LRP2: variants seen among roughly 807,000 people sequenced by gnomAD.
The protein encoded by LRP2 is LDL receptor related protein 2.
LRP2 carries 172 observed loss-of-function variants against 531.0 expected under a neutral mutation model. The ratio of observed to expected loss-of-function variants is 0.32; its 90% CI spans 0.29 to 0.37. The LOEUF (loss-of-function observed/expected upper bound fraction) is 0.37. LRP2 is among the 10% of genes least tolerant of loss of function. The pLI is 1.00. For synonymous variants in LRP2, 1,992 were observed against 2,027.6 expected, an observed-to-expected ratio of 0.98 and a Z score of 0.47; for missense variants, 5,167 against 5,868.3, an observed-to-expected ratio of 0.88 and a Z score of 3.90.
At chr2:169,359,986 A>C (rs925544150) in intron 1 of LRP2, among the ~76,000 whole-genome samples, 2 of 151,932 alleles carry the variant, frequency 1.3e-5, no homozygotes, top group African/African-American at 4.8e-5. Flanking sequence ...TTAGCTGGGC[A>C]TGGTGCCCCG....
Position 169,201,865 on chromosome 2 carries a change from G to A in LRP2, c.8215C>T (p.His2739Tyr). 6.2e-7 allele frequency: 1 copy of A among 1,614,084 alleles called. No homozygotes were observed. The highest frequency in any genetic ancestry group is 1.1e-5 in the South Asian group (1 of 91,074). Residue 2739 changes from histidine (H) to tyrosine (Y), a missense_variant, in exon 44 of 79, where the codon CAC becomes TAC. Physicochemically the swap from His to Tyr is moderately conservative, Grantham distance 83. Transcript: ENST00000649046. ...SDEMESVCAL[H>Y]TCSPTAFTCA... is the part of the protein sequence containing the mutation. ...GTGAAGGCTGTCGGTGAGCAGGTGTGAAGTGCTAAGAACAGGAAAAACATG... is the reference window on the plus strand; with the variant it reads ...GTGAAGGCTGTCGGTGAGCAGGTGTAAAGTGCTAAGAACAGGAAAAACATG...
chr2:169,338,081 C>T (rs2105551483), intron 1 of LRP2, among the ~76,000 whole-genome samples: 1 of 151,732 alleles, frequency 6.6e-6, no homozygotes, highest in South Asian at 2.1e-4. Context: ...CACTGCACTC[C>T]AGCCTGACTG....
At chr2:169,338,372 G>GAAAGAA (rs1685470024) in intron 1 of LRP2, among the ~76,000 whole-genome samples, 1 of 107,048 alleles carries the variant, frequency 9.3e-6, no homozygotes, top group East Asian at 3.7e-4. Flanking sequence ...AAGAAAGAAA[G>GAAAGAA]AAAGAAAGAA....
At chr2:169,316,564 A>G (rs775050047) in intron 3 of LRP2, among the ~76,000 whole-genome samples, 1 of 152,188 alleles carries the variant, frequency 6.6e-6, no homozygotes, top group Non-Finnish European at 1.5e-5. Flanking sequence ...GCAAATATAG[A>G]AGGAAAATCC....
At chr2:169,138,525 A>T (rs1004890322) in intron 75 of LRP2, 52 bp downstream of exon 75, 230 of 1,599,564 alleles carry the variant, frequency 1.4e-4, no homozygotes, top group Non-Finnish European at 1.8e-4. Flanking sequence ...TATAAAAAGT[A>T]TTTATTCTAT....
At position 169,170,681 on chromosome 2, in the gene LRP2, G is replaced by A. The variant is rs377424162; in HGVS notation, c.11264-14C>T. On this transcript the variant is annotated splice_polypyrimidine_tract_variant and intron_variant, in intron 58 of 78. Coordinates refer to ENST00000649046, the MANE Select transcript of LRP2 (RefSeq NM_004525.3). Reference sequence around the variant, plus strand: ...ACTCCCGGGGAGCTGGAAAGGAAAGGCACCTGGCCATGAGTGTGCACCAGG... The same window carrying A: ...ACTCCCGGGGAGCTGGAAAGGAAAGACACCTGGCCATGAGTGTGCACCAGG... 9 of 1,573,094 alleles carry A rather than the reference G, an allele frequency of 5.7e-6. No individual in the cohort carries two copies. Among genetic ancestry groups the A allele is most frequent in the South Asian group, 2.2e-5 (2 of 90,230 alleles).
intron 3 of LRP2, among the ~76,000 whole-genome samples, chr2:169,318,132 A>C (rs1273209314): frequency 6.6e-6 from 1 of 152,150 alleles, no homozygotes; most frequent in African/African-American, 2.4e-5. Context: ...AGACCTATTA[A>C]AACAGTCTTT....
chr2:169,178,667 T>C (rs1687308049), intron 52 of LRP2, among the ~76,000 whole-genome samples: 1 of 152,246 alleles, frequency 6.6e-6, no homozygotes, highest in Non-Finnish European at 1.5e-5. Context: ...GATTTCAAGA[T>C]GTTACAAAGG....
At chr2:169,183,428 T>C (rs926993144) in intron 50 of LRP2, among the ~76,000 whole-genome samples, 3 of 152,350 alleles carry the variant, frequency 2.0e-5, no homozygotes, top group Non-Finnish European at 4.4e-5. Flanking sequence ...TAGCTAATTA[T>C]TGAACACTTG....
intron 27 of LRP2, 64 bp downstream of exon 27, chr2:169,238,027 T>C: frequency 7.1e-7 from 1 of 1,417,178 alleles, no homozygotes; most frequent in Non-Finnish European, 1.0e-6. Flanking sequence ...CACTGGTGAA[T>C]AACAGCAAAC....
rs2247506 is a variant in LRP2, at chr2:169,307,258, T to C, written c.427+23A>G. The C allele has an allele frequency of 0.21, 309,517 of 1,501,660 alleles. 33,457 individuals carry two copies. The highest frequency in any genetic ancestry group is 0.31 in the African/African-American group (22,594 of 72,600). 93.0% of individuals were successfully genotyped at this position (1,501,660 alleles called of 1,614,324 possible). A position where few individuals can be genotyped will look rare whatever the true frequency, so the allele number is the denominator to read the frequency against. On this transcript the variant is annotated intron_variant, in intron 4 of 78. Transcript: ENST00000649046. ...GGGACAAGGGTGAAACCAAATACAG[T>C]GCAAGGACTAAAACAGACTCACGGC...
intron 1 of LRP2, among the ~76,000 whole-genome samples, chr2:169,328,441 T>TAAAAAAAAAAAAAAAAAAAA (rs537210492): frequency 1.0e-4 from 5 of 49,138 alleles, no homozygotes; most frequent in East Asian, 6.0e-4. Context: ...CGGGCCGGGA[T>TAAAAAAAAAAAAAAAAAAAA]AAAAAAAAAA....
intron 1 of LRP2, among the ~76,000 whole-genome samples, chr2:169,336,482 G>A (rs1301871327): frequency 6.6e-6 from 1 of 152,044 alleles, no homozygotes; most frequent in Non-Finnish European, 1.5e-5. Flanking sequence ...AGAGGCTGCA[G>A]TGAGCTGAGA....
chr2:169,270,908 G>T lies in LRP2; in HGVS notation c.2316C>A (p.Gly772=), dbSNP rs1446459642. Residue 772 remains glycine, a synonymous_variant, in exon 16 of 79, where the codon GGC becomes GGA. Coordinates refer to ENST00000649046, the MANE Select transcript of LRP2 (RefSeq NM_004525.3). ...ACACACACAAACCTTTCTCACCTGT[G>T]CCATCAATCTTTTGCTTAAAAATCA... is the stretch of plus-strand genomic sequence containing the variant. The part of the protein sequence containing the change: ...KHMIFKQKID[G]TGREILAANR... The T allele has an allele frequency of 6.2e-7, 1 of 1,612,096 alleles. No homozygotes were observed. The highest frequency in any genetic ancestry group is 1.1e-5 in the South Asian group (1 of 91,010).
chr2:169,266,920 C>G (rs1246696032), intron 16 of LRP2, among the ~76,000 whole-genome samples: 1 of 143,654 alleles, frequency 7.0e-6, no homozygotes, highest in Non-Finnish European at 1.5e-5. Context: ...TAGGGTTGCA[C>G]TCTGTTGCCC....
chr2:169,227,158 T>C (rs966222059), intron 31 of LRP2, among the ~76,000 whole-genome samples: 4 of 152,218 alleles, frequency 2.6e-5, no homozygotes, highest in African/African-American at 9.6e-5. Context: ...CTCTTCCCTA[T>C]AAGATTTTAA....
At position 169,173,035 on chromosome 2, in the gene LRP2, A is replaced by C. The variant is rs2105280144; in HGVS notation, c.11143+61T>G. 4 of 1,604,280 alleles carry C rather than the reference A, an allele frequency of 2.5e-6. No homozygotes were observed. In the East Asian group the frequency reaches 8.9e-5, roughly 36 times the overall value. ...ATACACTCTCATCTCTCATCTAATA[A>C]ATGGCACTTGACATGTGCACTTTCT... On this transcript the variant is annotated intron_variant, in intron 57 of 78. Coordinates refer to ENST00000649046, the MANE Select transcript of LRP2 (RefSeq NM_004525.3).
intron 33 of LRP2, among the ~76,000 whole-genome samples, chr2:169,222,987 T>G (rs1156443796): frequency 2.6e-5 from 4 of 152,212 alleles, no homozygotes; most frequent in African/African-American, 9.6e-5. Flanking sequence ...CTTATGACAC[T>G]GGAGCACAGG....
Position 169,235,907 on chromosome 2 carries a change from T to C in LRP2, c.4853A>G (p.Tyr1618Cys). Residue 1618 changes from tyrosine (Y) to cysteine (C), a missense_variant, in exon 29 of 79, where the codon TAT becomes TGT. Physicochemically the swap from Tyr to Cys is radical, Grantham distance 194 (BLOSUM62 -2). Transcript: ENST00000649046. ...PNRLLYFMDS[Y>C]LDYMDFCDYN... ...ATCACAAAAGTCCATGTAATCAAGA[T>C]AGGAGTCCATGAAGTAGAGCAGTCT... The C allele has an allele frequency of 6.2e-7, 1 of 1,614,160 alleles. No individual in the cohort carries two copies.
Sources: gnomAD v4.1 joint callset for allele counts (sites outside exome capture counted in the v4.1 genomes callset) on GRCh38, gnomAD v4.1.1 for gene constraint, MANE v1.5 for transcripts, NCBI Gene and HGNC (gene_info 2026-07-23, HGNC 2026-07-21) for gene names.